DOCK2: variants seen among roughly 807,000 people sequenced by gnomAD.
The protein encoded by DOCK2 is dedicator of cytokinesis protein 2.
A neutral mutation model predicts 248.9 loss-of-function variants in DOCK2; 87 were observed. That is an observed-to-expected ratio of 0.35 (90% confidence interval 0.29 to 0.42). The LOEUF (loss-of-function observed/expected upper bound fraction) is 0.42, where lower values mean the gene tolerates loss of function less well. DOCK2 is among the 10% of genes least tolerant of loss of function. DOCK2 has a pLI of 1.00. For synonymous variants in DOCK2, 805 were observed against 821.6 expected (o/e 0.98, Z 0.35); for missense variants, 1,747 against 2,300.2 (o/e 0.76, Z 4.92).
At chr5:169,818,674 A>T (rs1768224183) in intron 26 of DOCK2, among the ~76,000 whole-genome samples, 1 of 152,110 alleles carries the variant, frequency 6.6e-6, no homozygotes, top group African/African-American at 2.4e-5. Flanking sequence ...GCAATATTTG[A>T]TGCCAGGGCC....
chr5:170,050,435 T>G lies in DOCK2; in HGVS notation c.4213+38T>G, dbSNP rs557624747. The G allele has an allele frequency of 1.2e-3, 1,918 of 1,591,818 alleles. 39 individuals carry two copies. In the South Asian group the frequency reaches 0.021, roughly 17 times the overall value. ...AATGCCCTAGCCAAGGGGCCAGACC[T>G]GAGCAGCCCTGCCAGGGCTGCAGCC... On this transcript the variant is annotated intron_variant, in intron 41 of 51. Coordinates refer to ENST00000520908, the MANE Select transcript of DOCK2 (RefSeq NM_004946.3).
chr5:170,024,704 G>A (rs1342159948), intron 33 of DOCK2, among the ~76,000 whole-genome samples: 1 of 152,098 alleles, frequency 6.6e-6, no homozygotes, highest in Non-Finnish European at 1.5e-5. Context: ...AGGTCACAGG[G>A]CTGGGAAAAA....
intron 25 of DOCK2, among the ~76,000 whole-genome samples, chr5:169,767,183 A>T (rs1201135865): frequency 1.3e-5 from 2 of 152,174 alleles, no homozygotes; most frequent in African/African-American, 4.8e-5. Context: ...GGCTGCATGT[A>T]TGTCTTCTTT....
intron 44 of DOCK2, among the ~76,000 whole-genome samples, chr5:170,061,908 G>A (rs1757340418): frequency 6.6e-6 from 1 of 152,160 alleles, no homozygotes; most frequent in Non-Finnish European, 1.5e-5. Context: ...CCCAGAGTTG[G>A]TCTGTGTACT....
rs371407294 is a variant in DOCK2 at position 169,916,960 on chromosome 5, G to A, written c.2800-66108G>A. Among the ~76,000 whole-genome samples the A allele has an allele frequency of 2.0e-4, 31 of 152,252 alleles. No individual in the cohort carries two copies. In the East Asian group the frequency reaches 2.9e-3, roughly 14 times the overall value. Reference sequence around the variant, plus strand: ...CTGTAAAGAAATGCAAATAGCCATCGTCATTACTCTTCCAAATCCAGGACT... The same window carrying A: ...CTGTAAAGAAATGCAAATAGCCATCATCATTACTCTTCCAAATCCAGGACT... On this transcript the variant is annotated intron_variant, in intron 27 of 51. Coordinates refer to ENST00000520908, the MANE Select transcript of DOCK2 (RefSeq NM_004946.3).
intron 33 of DOCK2, among the ~76,000 whole-genome samples, chr5:170,025,632 A>G (rs151312935): frequency 1.1e-4 from 16 of 152,262 alleles, no homozygotes; most frequent in African/African-American, 3.4e-4. Flanking sequence ...GATAGTCCCC[A>G]ACCCTTGACA....
At chr5:169,734,549 A>G (rs1416597396) in intron 22 of DOCK2, among the ~76,000 whole-genome samples, 1 of 152,224 alleles carries the variant, frequency 6.6e-6, no homozygotes, top group Non-Finnish European at 1.5e-5. Context: ...CTGGGGCAAT[A>G]CCAACCAGAT....
intron 49 of DOCK2, 97 bp from the exon 50 acceptor site, chr5:170,080,066 C>G: frequency 1.9e-6 from 3 of 1,564,816 alleles, no homozygotes; most frequent in Non-Finnish European, 2.6e-6. Context: ...AGAAACCATG[C>G]CACGCCCTCC....
intron 22 of DOCK2, among the ~76,000 whole-genome samples, chr5:169,732,248 C>T (rs1315532958): frequency 6.6e-6 from 1 of 152,208 alleles, no homozygotes; most frequent in Non-Finnish European, 1.5e-5. Flanking sequence ...TCTGTCTCTT[C>T]CTGGAATCAC....
intron 27 of DOCK2, among the ~76,000 whole-genome samples, chr5:169,880,609 A>C (rs544246737): frequency 6.6e-5 from 10 of 152,322 alleles, no homozygotes; most frequent in African/African-American, 2.4e-4. Flanking sequence ...AACAGGTATA[A>C]ACCCTTGCAT....
At chr5:169,756,386 G>A (rs1343840418) in intron 23 of DOCK2, among the ~76,000 whole-genome samples, 1 of 152,214 alleles carries the variant, frequency 6.6e-6, no homozygotes, top group Non-Finnish European at 1.5e-5. Flanking sequence ...TTGTTTCTGT[G>A]CATGTTTCTC....
At chr5:169,994,719 A>T (rs1754534048) in intron 29 of DOCK2, among the ~76,000 whole-genome samples, 1 of 152,244 alleles carries the variant, frequency 6.6e-6, no homozygotes, top group Non-Finnish European at 1.5e-5. Context: ...ACAGGGTACT[A>T]GCAAGAAATA....
Position 170,057,621 on chromosome 5 carries a change from G to C in DOCK2, c.4422G>C (p.Lys1474Asn). The change falls in exon 44 of 52, where the codon AAG becomes AAC. Residue 1474 changes from lysine (K) to asparagine (N), a missense_variant. Around this residue, in one of 4 missense-constraint regions of DOCK2, gnomAD observed 513 missense variants for 586.1 expected, o/e 0.88. Coordinates refer to ENST00000520908, the MANE Select transcript of DOCK2 (RefSeq NM_004946.3). ...IERTSFVTAY[K>N]LPGILRWFEV... ...GAACCTCCTTCGTGACTGCATACAA[G>C]CTGCCGGGGATCCTGCGCTGGTTTG... is the stretch of plus-strand genomic sequence containing the variant. The C allele has an allele frequency of 6.2e-7, 1 of 1,614,100 alleles. No individual in the cohort carries two copies. Among genetic ancestry groups the C allele is most frequent in the Non-Finnish European group, 8.5e-7 (1 of 1,179,964 alleles).
At chr5:170,054,608 G>A (rs1224286524) in intron 41 of DOCK2, among the ~76,000 whole-genome samples, 4 of 152,202 alleles carry the variant, frequency 2.6e-5, no homozygotes, top group Non-Finnish European at 5.9e-5. Context: ...CAGAGTTGGG[G>A]TGCAAAATGA....
At chr5:169,859,927 C>T (rs1167681846) in intron 27 of DOCK2, among the ~76,000 whole-genome samples, 1 of 148,172 alleles carries the variant, frequency 6.7e-6, no homozygotes, top group African/African-American at 2.5e-5. Context: ...TATTACTTAA[C>T]ATTAACTGTC....
In DOCK2 at chr5:169,763,388, G is replaced by A. The variant is rs74819556; in HGVS notation, c.2554+1763G>A. 2.0e-5 allele frequency among the ~76,000 whole-genome samples: 3 copies of A among 152,344 alleles called. No individual in the cohort carries two copies. Among genetic ancestry groups the A allele is most frequent in the Non-Finnish European group, 1.5e-5 (1 of 68,022 alleles). ...ACATGACAAGGACGACTCTAGCTACGCATATGGTGTGGCACAGGCAGCAGG... is the reference window on the plus strand; with the variant it reads ...ACATGACAAGGACGACTCTAGCTACACATATGGTGTGGCACAGGCAGCAGG... On this transcript the variant is annotated intron_variant, in intron 25 of 51. Coordinates refer to ENST00000520908, the MANE Select transcript of DOCK2 (RefSeq NM_004946.3). This position sits in a 1 kb window ranked among gnomAD's most constrained non-coding sequence, Gnocchi z 4.1.
intron 25 of DOCK2, among the ~76,000 whole-genome samples, chr5:169,787,706 CTTTTT>C (rs71575577): frequency 7.3e-6 from 1 of 136,556 alleles, no homozygotes; most frequent in Non-Finnish European, 1.6e-5. Flanking sequence ...TCCACTTTTG[CTTTTT>C]TTTTTTTTTT....
chr5:169,917,570 T>C (rs142521457), intron 27 of DOCK2, among the ~76,000 whole-genome samples: 131 of 152,236 alleles, frequency 8.6e-4, no homozygotes, highest in African/African-American at 3.1e-3. Flanking sequence ...AAAATGAAAA[T>C]TGAATGTTGT....
chr5:169,853,527 A>G (rs959591340), intron 27 of DOCK2, among the ~76,000 whole-genome samples: 1 of 152,210 alleles, frequency 6.6e-6, no homozygotes, highest in African/African-American at 2.4e-5. Context: ...TAACAACACA[A>G]GACTATTCTG....
Sources: allele counts gnomAD v4.1 joint callset (sites outside exome capture counted in the v4.1 genomes callset), GRCh38; gene constraint gnomAD v4.1.1; regional missense constraint gnomAD v4.1.1; non-coding constraint Gnocchi (gnomAD v3.1); transcripts MANE v1.5; gene names NCBI Gene and HGNC (gene_info 2026-07-23, HGNC 2026-07-21).